Variants in LRRCC1 observed in about 807,000 individuals in gnomAD.
LRRCC1 encodes leucine-rich repeat and coiled-coil domain-containing protein 1.
Under a neutral mutation model 126.0 loss-of-function variants are expected in LRRCC1, and 115 were observed. The ratio of observed to expected loss-of-function variants is 0.91; its 90% CI spans 0.78 to 1.07. LRRCC1 has a LOEUF of 1.07. Among genes scored for constraint, LRRCC1 ranks in the 50% least tolerant of loss-of-function variants. LRRCC1 has a pLI of 0.00. For missense variants in LRRCC1, 1,172 were observed against 1,175.7 expected (o/e 1.00, Z 0.05); for synonymous variants, 400 against 393.4 (o/e 1.02, Z -0.20).
chr8:85,115,702 G>C (rs888615290), intron 6 of LRRCC1, 118 bp downstream of exon 6: 1 of 688,640 alleles, frequency 1.5e-6, no homozygotes. Flanking sequence ...CAGTGTTCGT[G>C]TATTTTTGTT....
intron 1 of LRRCC1, chr8:85,109,374 G>A: frequency 1.9e-6 from 1 of 525,472 alleles, no homozygotes; most frequent in Non-Finnish European, 3.3e-6. Flanking sequence ...TCACTTGCCT[G>A]CCTTGAGCGG....
chr8:85,111,753 C>G (rs1266095680), intron 3 of LRRCC1, among the ~76,000 whole-genome samples: 2 of 152,102 alleles, frequency 1.3e-5, no homozygotes, highest in African/African-American at 2.4e-5. Flanking sequence ...CAATGGGATA[C>G]CGTTTCACAC....
At chr8:85,133,413 C>A (rs1810629025) in intron 12 of LRRCC1, among the ~76,000 whole-genome samples, 1 of 152,110 alleles carries the variant, frequency 6.6e-6, no homozygotes, top group Non-Finnish European at 1.5e-5. Context: ...CTTTTCTTTT[C>A]TATACACACT....
Position 85,134,891 on chromosome 8 carries a change from C to G in LRRCC1, c.2013C>G (p.Ser671Arg), listed in dbSNP as rs757501975. 1 of 1,589,974 alleles carries G rather than the reference C, an allele frequency of 6.3e-7. No individual in the cohort carries two copies. Among genetic ancestry groups the G allele is most frequent in the South Asian group, 1.2e-5 (1 of 85,490 alleles). The part of the protein sequence containing the change: ...FENVATELAK[S>R]KHALIWAQRK... Reference sequence around the variant, plus strand: ...ATGTTGCAACTGAGTTAGCAAAGAGCAAACATGCTCTTATTTGGGCTCAAC... The same window carrying G: ...ATGTTGCAACTGAGTTAGCAAAGAGGAAACATGCTCTTATTTGGGCTCAAC... Residue 671 changes from serine to arginine, a missense_variant, in exon 13 of 19, where the codon AGC (serine) becomes AGG (arginine). By Grantham distance (110) the Ser-to-Arg change is moderately radical. Coordinates refer to ENST00000360375, the MANE Select transcript of LRRCC1 (RefSeq NM_033402.5).
At chr8:85,133,541 AC>A (rs1810640873) in intron 12 of LRRCC1, among the ~76,000 whole-genome samples, 1 of 152,056 alleles carries the variant, frequency 6.6e-6, no homozygotes, top group East Asian at 1.9e-4. Flanking sequence ...TGCTAATTTT[AC>A]CCCCAAACCT....
At chr8:85,127,675 T>G (rs1810118357) in intron 9 of LRRCC1, among the ~76,000 whole-genome samples, 1 of 152,184 alleles carries the variant, frequency 6.6e-6, no homozygotes, top group Admixed American at 6.5e-5. Context: ...GACGTGGTGT[T>G]TTCTACCCCA....
At chr8:85,133,224 A>G (rs1018798855) in intron 12 of LRRCC1, among the ~76,000 whole-genome samples, 2 of 152,216 alleles carry the variant, frequency 1.3e-5, no homozygotes, top group Admixed American at 1.3e-4. Flanking sequence ...ACCTAGGTGC[A>G]GGATTAGACA....
At chr8:85,120,786 C>T (rs1809492969) in intron 6 of LRRCC1, among the ~76,000 whole-genome samples, 1 of 152,178 alleles carries the variant, frequency 6.6e-6, no homozygotes, top group African/African-American at 2.4e-5. Context: ...ATCAATACTT[C>T]ATTTCTTTTT....
intron 6 of LRRCC1, among the ~76,000 whole-genome samples, chr8:85,120,168 A>G (rs1809430491): frequency 6.6e-6 from 1 of 151,926 alleles, no homozygotes; most frequent in South Asian, 2.1e-4. Flanking sequence ...TTCTAGGTGG[A>G]TATTCATTGT....
intron 13 of LRRCC1, 23 bp from the exon 14 acceptor site, chr8:85,135,766 T>G (rs1587433970): frequency 4.6e-5 from 4 of 86,994 alleles, no homozygotes; most frequent in Non-Finnish European, 6.8e-5. Context: ...ATAATTCTTA[T>G]TTTTTTTTTT....
intron 6 of LRRCC1, among the ~76,000 whole-genome samples, chr8:85,118,333 A>G (rs1202880499): frequency 1.3e-5 from 2 of 152,084 alleles, no homozygotes; most frequent in African/African-American, 4.8e-5. Context: ...TAGAGCTGCA[A>G]TGAATATTAC....
In LRRCC1 at chr8:85,110,119, T is replaced by C; in HGVS notation, c.315T>C (p.Leu105=). Residue 105 remains leucine, a synonymous_variant, in exon 3 of 19, where the codon CTT becomes CTC. Transcript: ENST00000360375. ...SCNLITKVEG[L]EELINLTRLN... ...TATTTTACTTTTTTTTTTTAGGACT[T>C]GAAGAACTAATTAATCTGACTAGAC... is the stretch of plus-strand genomic sequence containing the variant. 1.6e-6 allele frequency: 2 copies of C among 1,238,226 alleles called. No individual in the cohort carries two copies. Among genetic ancestry groups the C allele is most frequent in the Non-Finnish European group, 2.3e-6 (2 of 881,680 alleles). The allele number at this position is 1,238,226 out of a possible 1,614,324, so 76.7% of individuals were successfully genotyped here. A position where few individuals can be genotyped will look rare whatever the true frequency, so the allele number is the denominator to read the frequency against.
At chr8:85,136,876 AGTGCAGTG>A (rs565476657) in intron 14 of LRRCC1, among the ~76,000 whole-genome samples, 1 of 152,132 alleles carries the variant, frequency 6.6e-6, no homozygotes, top group South Asian at 2.1e-4. Flanking sequence ...CCCAGGCTGA[AGTGCAGTG>A]GTGTGATCTC....
At chr8:85,122,893 T>A (rs1809678087) in intron 6 of LRRCC1, among the ~76,000 whole-genome samples, 1 of 152,210 alleles carries the variant, frequency 6.6e-6, no homozygotes, top group South Asian at 2.1e-4. Context: ...TGACTCAGAT[T>A]GTATGTTTTT....
At chr8:85,128,818 T>A (rs1810214309) in intron 9 of LRRCC1, among the ~76,000 whole-genome samples, 1 of 152,192 alleles carries the variant, frequency 6.6e-6, no homozygotes, top group African/African-American at 2.4e-5. Context: ...TTTGCTTCCT[T>A]TCTCTTTCTC....
intron 18 of LRRCC1, 48 bp downstream of exon 18, chr8:85,141,565 T>G: frequency 7.4e-7 from 1 of 1,354,048 alleles, no homozygotes; most frequent in Non-Finnish European, 1.0e-6. Flanking sequence ...TACATGATTA[T>G]AGCTAAATAA....
chr8:85,134,974 A>T lies in LRRCC1; in HGVS notation c.2096A>T (p.Gln699Leu). The change falls in exon 13 of 19, where the codon CAA becomes CTA. Residue 699 changes from glutamine to leucine, a missense_variant. Gln to Leu is a moderately radical substitution (Grantham distance 113, BLOSUM62 -2). Transcript: ENST00000360375. ...IKDLTCMVKE[Q>L]KTKLAEVSKL... ...GATCTGACCTGTATGGTAAAGGAAC[A>T]AAAAACAAAACTGGCAGAAGTTTCT... The T allele has an allele frequency of 6.4e-7, 1 of 1,560,010 alleles. No individual in the cohort carries two copies. Among genetic ancestry groups the T allele is most frequent in the Non-Finnish European group, 8.6e-7 (1 of 1,163,942 alleles).
At chr8:85,129,104 C>A in intron 9 of LRRCC1, 71 bp from the exon 10 acceptor site, 1 of 1,091,600 alleles carries the variant, frequency 9.2e-7, no homozygotes, top group South Asian at 1.5e-5. Context: ...AGAGTACTCT[C>A]ATTGAAGTCA....
intron 18 of LRRCC1, among the ~76,000 whole-genome samples, chr8:85,145,117 G>GTATA (rs10647086): frequency 0.018 from 2,627 of 143,106 alleles, 53 homozygotes; most frequent in African/African-American, 0.047. Context: ...ATATATGTGT[G>GTATA]TATATATATA....
Sources: gnomAD v4.1 joint callset for allele counts (sites outside exome capture counted in the v4.1 genomes callset) on GRCh38, gnomAD v4.1.1 for gene constraint, MANE v1.5 for transcripts, NCBI Gene and HGNC (gene_info 2026-07-23, HGNC 2026-07-21) for gene names.